MROH2A: variants seen among roughly 807,000 people sequenced by gnomAD.
The protein encoded by MROH2A is maestro heat-like repeat-containing protein family member 2A.
MROH2A carries 174 observed loss-of-function variants against 200.4 expected under a neutral mutation model. The observed-to-expected ratio is 0.87, with a 90% confidence interval of 0.77 to 0.98. The LOEUF is 0.98. Among genes scored for constraint, MROH2A ranks in the 50% least tolerant of loss-of-function variants. The pLI is 0.00. For synonymous variants in MROH2A, 829 were observed against 840.4 expected (o/e 0.99, Z 0.23); for missense variants, 2,045 against 2,139.6 (o/e 0.96, Z 0.87).
rs182634934 is a variant in MROH2A, at chr2:233,799,426, C to T, written c.1330-354C>T. 3.9e-5 allele frequency among the ~76,000 whole-genome samples: 6 copies of T among 152,234 alleles called. No homozygotes were observed. The East Asian group carries it at 7.7e-4, about 20-fold the overall frequency. ...CTGTGGAGGGAAGCGAGAAGAGGCT[C>T]GTTCTGCATCTCCTTCACATAGTGA... On this transcript the variant is annotated intron_variant, in intron 12 of 41. Coordinates refer to ENST00000389758, the MANE Select transcript of MROH2A (RefSeq NM_001394639.1).
intron 31 of MROH2A, 84 bp from the exon 32 acceptor site, chr2:233,822,040 G>A: frequency 1.4e-6 from 2 of 1,443,856 alleles, no homozygotes; most frequent in East Asian, 2.5e-5. Flanking sequence ...CTACTTAGGG[G>A]GCTGCCAAGG....
chr2:233,800,645 G>GTGTGTGTGTGTGTGTC (rs1256046628), intron 14 of MROH2A, among the ~76,000 whole-genome samples: 3 of 151,898 alleles, frequency 2.0e-5, no homozygotes, highest in Non-Finnish European at 4.4e-5. Flanking sequence ...GTGTGTGTGT[G>GTGTGTGTGTGTGTGTC]TGTGTGTGTG....
chr2:233,803,711 CT>C (rs1443450585), intron 16 of MROH2A, among the ~76,000 whole-genome samples: 1 of 152,160 alleles, frequency 6.6e-6, no homozygotes, highest in Non-Finnish European at 1.5e-5. Flanking sequence ...CCTGGACCTG[CT>C]TTTAGATTCC....
At chr2:233,788,518 C>T (rs1701513867) in intron 3 of MROH2A, among the ~76,000 whole-genome samples, 2 of 152,026 alleles carry the variant, frequency 1.3e-5, no homozygotes. Context: ...TTCTTAAGGT[C>T]CCCAAATTTG....
At chr2:233,804,589 AAGATGGGAGC>A in intron 18 of MROH2A, 42 bp downstream of exon 18, 1 of 1,540,226 alleles carries the variant, frequency 6.5e-7, no homozygotes, top group Non-Finnish European at 8.8e-7. Context: ...GAGGAGGAGA[AAGATGGGAGC>A]AGATGGAAAG....
chr2:233,822,019 G>A (rs1349077326), intron 31 of MROH2A, 105 bp from the exon 32 acceptor site: 1 of 1,350,914 alleles, frequency 7.4e-7, no homozygotes, highest in Non-Finnish European at 9.9e-7. Context: ...TCAGTCCCCA[G>A]AGTCCAACCC....
chr2:233,811,769 G>A, intron 23 of MROH2A, 111 bp from the exon 24 acceptor site: 2 of 726,980 alleles, frequency 2.8e-6, no homozygotes, highest in East Asian at 2.7e-5. Flanking sequence ...TGAAAGAGAT[G>A]TGGGGTGTTA....
intron 28 of MROH2A, 130 bp from the exon 29 acceptor site, chr2:233,818,522 G>A (rs1703705382): frequency 2.0e-5 from 14 of 715,974 alleles, no homozygotes; most frequent in South Asian, 1.8e-4. Flanking sequence ...GCAAAGGTCA[G>A]AACGCCTGGG....
At chr2:233,830,633 G>T (rs889020655) in intron 38 of MROH2A, among the ~76,000 whole-genome samples, 1 of 149,866 alleles carries the variant, frequency 6.7e-6, no homozygotes, top group African/African-American at 2.5e-5. Flanking sequence ...GGTGGCCCAG[G>T]TGGGATGGCC....
rs1213591338 is a variant in MROH2A at position 233,793,837 on chromosome 2, C to A, written c.822+13C>A. On this transcript the variant is annotated intron_variant, in intron 7 of 41. Transcript: ENST00000389758. ...CTACAACCCCGAGGTGAGATGCACC[C>A]CTCTTAGGAGGGCCTGGTGGTCCCC... The A allele has an allele frequency of 7.2e-7, 1 of 1,389,670 alleles. No individual in the cohort carries two copies. Among genetic ancestry groups the A allele is most frequent in the East Asian group, 2.9e-5 (1 of 34,282 alleles). 86.1% of individuals were successfully genotyped at this position (1,389,670 alleles called of 1,614,324 possible). A position where few individuals can be genotyped will look rare whatever the true frequency, so the allele number is the denominator to read the frequency against.
At chr2:233,823,755 G>A in intron 35 of MROH2A, 91 bp downstream of exon 35, 1 of 1,473,702 alleles carries the variant, frequency 6.8e-7, no homozygotes, top group East Asian at 2.5e-5. Flanking sequence ...CCAAGGCATG[G>A]GAGTCGGGGG....
At chr2:233,821,374 A>C (rs539445853) in intron 31 of MROH2A, among the ~76,000 whole-genome samples, 3 of 129,912 alleles carry the variant, frequency 2.3e-5, no homozygotes, top group African/African-American at 2.8e-5. Flanking sequence ...CTCTCCATTT[A>C]CTCCTGCCCC....
chr2:233,801,436 G>A (rs1702468240), intron 14 of MROH2A, among the ~76,000 whole-genome samples: 1 of 152,194 alleles, frequency 6.6e-6, no homozygotes, highest in Non-Finnish European at 1.5e-5. Flanking sequence ...ATCAGTCAGG[G>A]TTCTCCAGAG....
At chr2:233,793,139 T>A (rs1006369006) in intron 6 of MROH2A, among the ~76,000 whole-genome samples, 14 of 152,176 alleles carry the variant, frequency 9.2e-5, no homozygotes, top group African/African-American at 3.1e-4. Context: ...CAACGGTGAC[T>A]CCATTTAGCT....
intron 12 of MROH2A, 44 bp from the exon 13 acceptor site, chr2:233,799,736 A>G (rs914648171): frequency 6.5e-7 from 1 of 1,548,370 alleles, no homozygotes; most frequent in East Asian, 2.4e-5. Flanking sequence ...GGTGCCTTGG[A>G]GCCCACCCCA....
intron 8 of MROH2A, among the ~76,000 whole-genome samples, chr2:233,794,735 G>A (rs745544078): frequency 9.9e-5 from 15 of 152,166 alleles, no homozygotes; most frequent in African/African-American, 1.9e-4. Flanking sequence ...CTGGTCCCTC[G>A]GAGGCTGCAG....
intron 3 of MROH2A, 32 bp from the exon 4 acceptor site, chr2:233,789,465 G>A (rs1701586674): frequency 2.2e-6 from 3 of 1,376,414 alleles, no homozygotes; most frequent in Non-Finnish European, 1.9e-6. Flanking sequence ...GGCAGGGTGA[G>A]GTCCATTCCA....
intron 35 of MROH2A, among the ~76,000 whole-genome samples, chr2:233,825,921 C>CTTT (rs34849761): frequency 0.12 from 11,737 of 95,048 alleles, 920 homozygotes; most frequent in Non-Finnish European, 0.16. Context: ...TTTCTTTTTC[C>CTTT]TTTTTTTTTT....
At chr2:233,779,946 A>G (rs1328212953) in intron 3 of MROH2A, 94 bp downstream of exon 3, 1 of 1,086,316 alleles carries the variant, frequency 9.2e-7, no homozygotes, top group East Asian at 2.6e-5. Flanking sequence ...CAGAGATGTG[A>G]TGTGTGGTAC....
Sources: gnomAD v4.1 joint callset for allele counts (sites outside exome capture counted in the v4.1 genomes callset) on GRCh38, gnomAD v4.1.1 for gene constraint, MANE v1.5 for transcripts, NCBI Gene and HGNC (gene_info 2026-07-23, HGNC 2026-07-21) for gene names.